AGMO: variants seen among roughly 807,000 people sequenced by gnomAD.
AGMO encodes the protein alkylglycerol monooxygenase.
AGMO carries 75 observed loss-of-function variants against 60.2 expected under a neutral mutation model. The ratio of observed to expected loss-of-function variants is 1.25; its 90% confidence interval spans 1.03 to 1.51. AGMO has a LOEUF of 1.51. AGMO is among the 40% of genes most tolerant of loss of function. AGMO has a pLI of 0.00. For missense variants in AGMO, 763 were observed against 525.5 expected (o/e 1.45, Z -4.42); for synonymous variants, 261 against 177.1 (o/e 1.47, Z -3.76).
At chr7:15,172,329 T>G in the AGMO span, among the ~76,000 whole-genome samples, 1 of 152,264 alleles carries the variant, frequency 6.6e-6, no homozygotes, top group African/African-American at 2.4e-5. Flanking sequence ...GTTGAGTGTA[T>G]AGCATACCTT....
At chr7:15,493,611 G>A (rs1201943646) in intron 3 of AGMO, among the ~76,000 whole-genome samples, 3 of 151,656 alleles carry the variant, frequency 2.0e-5, no homozygotes, top group Non-Finnish European at 4.4e-5. Flanking sequence ...TCCTGACCTC[G>A]TGATCCGCCC....
chr7:15,310,874 G>C (rs944291124), intron 12 of AGMO, among the ~76,000 whole-genome samples: 1 of 152,148 alleles, frequency 6.6e-6, no homozygotes, highest in African/African-American at 2.4e-5. Flanking sequence ...CCAGCTTCTA[G>C]AGGCTGCCCG....
intron 12 of AGMO, among the ~76,000 whole-genome samples, chr7:15,235,432 G>A (rs906889611): frequency 8.5e-5 from 13 of 152,076 alleles, no homozygotes; most frequent in Non-Finnish European, 1.5e-5. Flanking sequence ...ATCAAGTAAG[G>A]TTGAAATTTA....
At chr7:15,244,960 C>T (rs1425699271) in intron 12 of AGMO, among the ~76,000 whole-genome samples, 1 of 152,086 alleles carries the variant, frequency 6.6e-6, no homozygotes, top group Admixed American at 6.6e-5. Context: ...CCAGTATTTA[C>T]TCATTCTTAA....
At chr7:15,561,674 A>C (rs368210797) in intron 1 of AGMO, 46 bp downstream of exon 1, 14 of 1,519,786 alleles carry the variant, frequency 9.2e-6, no homozygotes, top group African/African-American at 1.4e-5. Context: ...ACCATTTATT[A>C]AGAAAGCAGC....
chr7:15,267,526 C>T (rs1361560332), intron 12 of AGMO, among the ~76,000 whole-genome samples: 2 of 151,894 alleles, frequency 1.3e-5, no homozygotes, highest in African/African-American at 4.8e-5. Flanking sequence ...TACTTATGTT[C>T]ACGACAGTCA....
chr7:15,246,610 G>A (rs1474528317), intron 12 of AGMO, among the ~76,000 whole-genome samples: 2 of 152,044 alleles, frequency 1.3e-5, no homozygotes, highest in Non-Finnish European at 2.9e-5. Flanking sequence ...ACTTTCCATG[G>A]TAACGGGGTC....
intron 12 of AGMO, among the ~76,000 whole-genome samples, chr7:15,346,358 G>C (rs1219062646): frequency 1.3e-5 from 2 of 152,022 alleles, no homozygotes; most frequent in African/African-American, 4.8e-5. Context: ...ACTTTATTTA[G>C]TAAATAACTT....
Position 15,354,514 on chromosome 7 carries a change from A to G in AGMO, c.1263+11000T>C, listed in dbSNP as rs1251439523. On this transcript the variant is annotated intron_variant, in intron 12 of 12. Transcript: ENST00000342526. Reference sequence around the variant, plus strand: ...CACACGTGTATATATATATATATATATATATATATATATATATATATATAT... The same window carrying G: ...CACACGTGTATATATATATATATATGTATATATATATATATATATATATAT... Among the ~76,000 whole-genome samples the G allele has an allele frequency of 8.7e-3, 714 of 82,494 alleles. 48 individuals carry two copies. The highest frequency in any genetic ancestry group is 0.016 in the African/African-American group (263 of 16,206). 54.1% of individuals were successfully genotyped at this position (82,494 alleles called of 152,430 possible).
intron 6 of AGMO, among the ~76,000 whole-genome samples, chr7:15,393,574 G>C (rs576477109): frequency 1.3e-5 from 2 of 152,238 alleles, no homozygotes; most frequent in East Asian, 1.9e-4. Context: ...AAACATTTTT[G>C]TTGTTACTTA....
At chr7:15,451,340 A>G (rs1326978626) in intron 3 of AGMO, among the ~76,000 whole-genome samples, 2 of 152,190 alleles carry the variant, frequency 1.3e-5, no homozygotes, top group African/African-American at 2.4e-5. Flanking sequence ...AAAATTGGTG[A>G]TGAATTCTGG....
chr7:15,474,146 A>G (rs898889460), intron 3 of AGMO, among the ~76,000 whole-genome samples: 6 of 152,182 alleles, frequency 3.9e-5, no homozygotes, highest in Non-Finnish European at 7.3e-5. Context: ...TACAGATTCA[A>G]TGCTATCCCC....
chr7:15,438,603 A>G (rs1349036394), intron 3 of AGMO, among the ~76,000 whole-genome samples: 2 of 152,164 alleles, frequency 1.3e-5, no homozygotes, highest in African/African-American at 2.4e-5. Flanking sequence ...GAGCCAAGGT[A>G]AAGAACTCGT....
At chr7:15,434,187 G>A (rs941821038) in intron 3 of AGMO, among the ~76,000 whole-genome samples, 1 of 152,018 alleles carries the variant, frequency 6.6e-6, no homozygotes, top group Non-Finnish European at 1.5e-5. Context: ...TAATGCAGTG[G>A]GATGAAACTT....
At chr7:15,167,406 A>T in the AGMO span, among the ~76,000 whole-genome samples, 1 of 152,194 alleles carries the variant, frequency 6.6e-6, no homozygotes, top group Non-Finnish European at 1.5e-5. Context: ...ACTTATATTC[A>T]ATAATAATAA....
the AGMO span, among the ~76,000 whole-genome samples, chr7:15,132,838 G>A: frequency 0.36 from 54,802 of 151,948 alleles, 10,707 homozygotes; most frequent in East Asian, 0.68. Flanking sequence ...TTTACAACAG[G>A]GAGTTATTAC....
chr7:15,547,770 G>T (rs956533917), intron 2 of AGMO, among the ~76,000 whole-genome samples: 96 of 151,902 alleles, frequency 6.3e-4, no homozygotes, highest in Non-Finnish European at 2.6e-4. Context: ...GGCTTGATTA[G>T]GTAAACAAAG....
chr7:15,326,347 G>GT (rs1021669888), intron 12 of AGMO, among the ~76,000 whole-genome samples: 2 of 152,118 alleles, frequency 1.3e-5, no homozygotes, highest in African/African-American at 2.4e-5. Flanking sequence ...GATGATAGGT[G>GT]TTTTTTAGAA....
intron 3 of AGMO, among the ~76,000 whole-genome samples, chr7:15,450,929 T>A (rs4566939): frequency 6.6e-6 from 1 of 151,898 alleles, no homozygotes; most frequent in African/African-American, 2.4e-5. Flanking sequence ...AAAATGAAAT[T>A]AGAACTAAAG....
Sources: allele counts gnomAD v4.1 joint callset (sites outside exome capture counted in the v4.1 genomes callset), GRCh38; gene constraint gnomAD v4.1.1; transcripts MANE v1.5; gene names NCBI Gene and HGNC (gene_info 2026-07-23, HGNC 2026-07-21).